Variants in MACROD2 observed in about 807,000 individuals in gnomAD.
MACROD2 encodes the protein mono-ADP ribosylhydrolase 2.
Under a neutral mutation model 70.4 loss-of-function variants are expected in MACROD2, and 36 were observed. The observed-to-expected ratio is 0.51, with a 90% CI of 0.39 to 0.68. The LOEUF (loss-of-function observed/expected upper bound fraction) is 0.68. Among genes scored for constraint, MACROD2 ranks in the 30% least tolerant of loss-of-function variants. The pLI, the probability that MACROD2 is intolerant of heterozygous loss-of-function variation, is 0.00. For missense variants in MACROD2, 496 were observed against 538.4 expected (o/e 0.92, Z 0.78); for synonymous variants, 172 against 178.8 (o/e 0.96, Z 0.30).
chr20:15,958,210 A>G (rs887550366), intron 12 of MACROD2, among the ~76,000 whole-genome samples: 4 of 152,192 alleles, frequency 2.6e-5, no homozygotes, highest in African/African-American at 4.8e-5. Context: ...TGCTGCAAGC[A>G]TTTTTAAAAT....
chr20:14,787,476 A>AAGGT (rs2072389225), intron 5 of MACROD2, among the ~76,000 whole-genome samples: 1 of 152,086 alleles, frequency 6.6e-6, no homozygotes, highest in Non-Finnish European at 1.5e-5. Flanking sequence ...AGGTAAGTTG[A>AAGGT]CAGGACCAGG....
At chr20:14,340,982 A>G (rs204611) in intron 3 of MACROD2, among the ~76,000 whole-genome samples, 2,788 of 152,314 alleles carry the variant, frequency 0.018, 60 homozygotes, top group African/African-American at 0.047. Flanking sequence ...ATGAAAAACA[A>G]CATACACACA....
At chr20:15,531,970 C>T (rs2047809110) in intron 8 of MACROD2, among the ~76,000 whole-genome samples, 1 of 151,950 alleles carries the variant, frequency 6.6e-6, no homozygotes, top group African/African-American at 2.4e-5. Context: ...TTATTGTGTT[C>T]CTTGGAAATA....
chr20:14,289,940 A>G (rs2082372476), intron 3 of MACROD2, among the ~76,000 whole-genome samples: 1 of 152,228 alleles, frequency 6.6e-6, no homozygotes, highest in South Asian at 2.1e-4. Context: ...TAAAGTTGTC[A>G]GCATTCTGGA....
At chr20:15,290,552 T>G (rs1047962100) in intron 6 of MACROD2, among the ~76,000 whole-genome samples, 1 of 152,188 alleles carries the variant, frequency 6.6e-6, no homozygotes, top group Non-Finnish European at 1.5e-5. Context: ...GGATTATGGA[T>G]CCATAATTTG....
intron 6 of MACROD2, among the ~76,000 whole-genome samples, chr20:15,383,790 C>A (rs1055901948): frequency 6.6e-6 from 1 of 152,072 alleles, no homozygotes; most frequent in Non-Finnish European, 1.5e-5. Context: ...TTTTCCAAGT[C>A]ATTTATCTAT....
chr20:14,111,285 C>T (rs2054447875), intron 3 of MACROD2, among the ~76,000 whole-genome samples: 1 of 151,936 alleles, frequency 6.6e-6, no homozygotes, highest in Non-Finnish European at 1.5e-5. Flanking sequence ...GGGAAACTCT[C>T]CAGGATATTG....
intron 3 of MACROD2, among the ~76,000 whole-genome samples, chr20:14,356,009 C>G (rs959993473): frequency 6.6e-6 from 1 of 152,164 alleles, no homozygotes; most frequent in Non-Finnish European, 1.5e-5. Context: ...ATTTCAAGAA[C>G]AACCATTGGA....
At chr20:15,253,736 T>C (rs1255962602) in intron 6 of MACROD2, among the ~76,000 whole-genome samples, 1 of 152,188 alleles carries the variant, frequency 6.6e-6, no homozygotes, top group Admixed American at 6.5e-5. Flanking sequence ...ATGCTGAAGG[T>C]CACAATCTTT....
chr20:14,720,536 C>CTT (rs753673265), intron 5 of MACROD2, among the ~76,000 whole-genome samples: 543 of 35,908 alleles, frequency 0.015, 123 homozygotes, highest in East Asian at 0.044. Flanking sequence ...TGCCCCACAA[C>CTT]TTTTTTTTTT....
chr20:14,892,084 G>A (rs1280310256), intron 5 of MACROD2, among the ~76,000 whole-genome samples: 1 of 152,142 alleles, frequency 6.6e-6, no homozygotes, highest in Admixed American at 6.5e-5. Context: ...GGTTTCGATA[G>A]TTGTCCTTTC....
intron 5 of MACROD2, among the ~76,000 whole-genome samples, chr20:15,222,211 C>T (rs2076867888): frequency 6.6e-6 from 1 of 152,086 alleles, no homozygotes; most frequent in African/African-American, 2.4e-5. Context: ...GAGAGTAATC[C>T]GAATTTAGAA....
chr20:15,064,421 A>T (rs949849346), intron 5 of MACROD2, among the ~76,000 whole-genome samples: 1 of 152,192 alleles, frequency 6.6e-6, no homozygotes, highest in African/African-American at 2.4e-5. Flanking sequence ...CTGATGGGCT[A>T]CATAAGCCCA....
intron 5 of MACROD2, among the ~76,000 whole-genome samples, chr20:15,019,554 T>C (rs988129529): frequency 2.0e-5 from 3 of 152,188 alleles, no homozygotes; most frequent in African/African-American, 7.2e-5. Flanking sequence ...TTCTAGACTC[T>C]TGACTAACAG....
chr20:15,900,180 G>A (rs987144072), intron 10 of MACROD2, among the ~76,000 whole-genome samples: 1 of 152,046 alleles, frequency 6.6e-6, no homozygotes, highest in African/African-American at 2.4e-5. Context: ...GTAAAATCAG[G>A]CAGTCATAAT....
rs772249798 is a variant in MACROD2, at chr20:16,044,560, T to C, written c.1232-11T>C. 1.9e-5 allele frequency: 31 copies of C among 1,607,778 alleles called. No homozygotes were observed. Among genetic ancestry groups the C allele is most frequent in the Non-Finnish European group, 2.5e-5 (30 of 1,177,286 alleles). On this transcript the variant is annotated splice_polypyrimidine_tract_variant and intron_variant, in intron 16 of 17. Transcript: ENST00000684519. ...ATGAATATTTAACTTTTTTTTTTTT[T>C]CTGGTGACAGTTGAAATGAATAGTC...
At chr20:14,412,456 C>G (rs1037570842) in intron 3 of MACROD2, among the ~76,000 whole-genome samples, 3 of 152,164 alleles carry the variant, frequency 2.0e-5, no homozygotes, top group Non-Finnish European at 2.9e-5. Context: ...TTAAGTCATT[C>G]TCAACCAGTT....
At chr20:15,450,302 G>T (rs533450323) in intron 7 of MACROD2, among the ~76,000 whole-genome samples, 2 of 151,774 alleles carry the variant, frequency 1.3e-5, no homozygotes, top group Middle Eastern at 3.5e-3. Context: ...TTGGTTTGAA[G>T]AAAAATATAA....
chr20:15,449,718 C>T (rs2046615362), intron 7 of MACROD2, among the ~76,000 whole-genome samples: 1 of 152,052 alleles, frequency 6.6e-6, no homozygotes, highest in South Asian at 2.1e-4. Flanking sequence ...AGAGGCTGGA[C>T]ATGGTGTCTC....
Sources: allele counts gnomAD v4.1 joint callset (sites outside exome capture counted in the v4.1 genomes callset), GRCh38; gene constraint gnomAD v4.1.1; transcripts MANE v1.5; gene names NCBI Gene and HGNC (gene_info 2026-07-23, HGNC 2026-07-21).